Variants in VWA5B2 observed in about 807,000 individuals in gnomAD.
VWA5B2 encodes the protein von Willebrand factor A domain containing 5B2.
A neutral mutation model predicts 118.5 loss-of-function variants in VWA5B2; 93 were observed. The ratio of observed to expected loss-of-function variants is 0.79; its 90% CI spans 0.66 to 0.93. VWA5B2 has a LOEUF of 0.93. VWA5B2 is among the 40% of genes least tolerant of loss of function. The pLI is 0.00. For synonymous variants in VWA5B2, 708 were observed against 716.3 expected, an observed-to-expected ratio of 0.99 and a Z score of 0.19; for missense variants, 1,546 against 1,672.8, an observed-to-expected ratio of 0.92 and a Z score of 1.32.
intron 8 of VWA5B2, 33 bp from the exon 9 acceptor site, chr3:184,236,112 ATGGGGCC>A: frequency 6.6e-7 from 1 of 1,522,088 alleles, no homozygotes; most frequent in Non-Finnish European, 8.9e-7. Context: ...ATCAGGGCCC[ATGGGGCC>A]GGCCTCACGC....
chr3:184,230,473 G>T lies in VWA5B2; in HGVS notation c.-56G>T. ...CTCTGGAGCGCGGGGTGGGCGTCCCGTCACCCTGCGCCCAGCTTCCCCGGC... is the reference window on the plus strand; with the variant it reads ...CTCTGGAGCGCGGGGTGGGCGTCCCTTCACCCTGCGCCCAGCTTCCCCGGC... On this transcript the variant is annotated 5_prime_UTR_variant, in exon 2 of 20. Coordinates refer to ENST00000691901, the MANE Select transcript of VWA5B2 (RefSeq NM_001390846.1). 7.2e-7 allele frequency: 1 copy of T among 1,387,894 alleles called. No individual in the cohort carries two copies. The highest frequency in any genetic ancestry group is 3.1e-5 in the East Asian group (1 of 32,086). 86.0% of individuals were successfully genotyped at this position (1,387,894 alleles called of 1,614,324 possible). A position where few individuals can be genotyped will look rare whatever the true frequency, so the allele number is the denominator to read the frequency against.
In VWA5B2 at chr3:184,242,152, A is replaced by C; in HGVS notation, c.*114A>C. 7.7e-7 allele frequency: 1 copy of C among 1,299,492 alleles called. No homozygotes were observed. The highest frequency in any genetic ancestry group is 1.0e-6 in the Non-Finnish European group (1 of 952,624). 80.5% of individuals were successfully genotyped at this position (1,299,492 alleles called of 1,614,324 possible). A position where few individuals can be genotyped will look rare whatever the true frequency, so the allele number is the denominator to read the frequency against. ...GTAGGCTGGTGCCAGCCTGTCCCCCACTGCTTCTTACTCCCTCCCTAGAGC... is the reference window on the plus strand; with the variant it reads ...GTAGGCTGGTGCCAGCCTGTCCCCCCCTGCTTCTTACTCCCTCCCTAGAGC... On this transcript the variant is annotated 3_prime_UTR_variant, in exon 20 of 20. Coordinates refer to ENST00000691901, the MANE Select transcript of VWA5B2 (RefSeq NM_001390846.1).
rs1187407587 is a variant in VWA5B2 at position 184,241,927 on chromosome 3, C to T, written c.3618C>T (p.Gly1206=). 6.5e-7 allele frequency: 1 copy of T among 1,547,902 alleles called. No individual in the cohort carries two copies. Among genetic ancestry groups the T allele is most frequent in the East Asian group, 2.5e-5 (1 of 40,774 alleles). The change falls in exon 20 of 20, where the codon GGC becomes GGT. Residue 1206 remains glycine (G), a synonymous_variant. Coordinates refer to ENST00000691901, the MANE Select transcript of VWA5B2 (RefSeq NM_001390846.1). This position sits in a 1 kb window ranked among gnomAD's most constrained non-coding sequence, Gnocchi z 5.1. ...TGCGGGCCCAGCACTTGCCTGACGG[C>T]CTTGACCTGGCCGCCCTCAAGGCCG... ...CWLRAQHLPD[G]LDLAALKAAA...
Position 184,239,851 on chromosome 3 carries a change from T to C in VWA5B2, c.2555T>C (p.Met852Thr). The change falls in exon 16 of 20, where the codon ATG becomes ACG. Residue 852 changes from methionine (M) to threonine (T), a missense_variant. Met to Thr is a moderately conservative substitution (Grantham distance 81, BLOSUM62 -1). Around this residue, in one of 3 missense-constraint regions of VWA5B2, gnomAD observed 763 missense variants for 766.6 expected, o/e 1.00. Coordinates refer to ENST00000691901, the MANE Select transcript of VWA5B2 (RefSeq NM_001390846.1). This position sits in a 1 kb window ranked among gnomAD's most constrained non-coding sequence, Gnocchi z 5.1. ...VIRGLCGEQP[M>T]CWEVGVGLET... ...CGGGGCCTGTGTGGGGAGCAGCCCA[T>C]GTGCTGGGAGGTGGGTGTTGGGCTG... is the stretch of plus-strand genomic sequence containing the variant. 1 of 1,551,580 alleles carries C rather than the reference T, an allele frequency of 6.4e-7. No homozygotes were observed. The highest frequency in any genetic ancestry group is 8.7e-7 in the Non-Finnish European group (1 of 1,146,936).
At position 184,241,543 on chromosome 3, in the gene VWA5B2, C is replaced by T; in HGVS notation, c.3234C>T (p.Ala1078=). The T allele has an allele frequency of 6.5e-7, 1 of 1,549,938 alleles. No homozygotes were observed. Among genetic ancestry groups the T allele is most frequent in the Non-Finnish European group, 8.7e-7 (1 of 1,146,832 alleles). ...GSFRLDAPFC[A]AVRISQERLC... ...TCCGCCTGGACGCGCCCTTCTGCGC[C>T]GCTGTGCGCATCTCGCAGGAGCGCC... The change falls in exon 20 of 20, where the codon GCC becomes GCT. Residue 1078 remains alanine, a synonymous_variant. Transcript: ENST00000691901. This position sits in a 1 kb window ranked among gnomAD's most constrained non-coding sequence, Gnocchi z 5.1.
chr3:184,235,947 C>A (rs1717935597), intron 8 of VWA5B2, among the ~76,000 whole-genome samples: 1 of 152,252 alleles, frequency 6.6e-6, no homozygotes, highest in South Asian at 2.1e-4. Flanking sequence ...CACACACAGT[C>A]ATGTGTACCT....
rs745953037 is a variant in VWA5B2, at chr3:184,234,305, C to T, written c.728C>T (p.Pro243Leu). The change falls in exon 6 of 20, where the codon CCC (proline) becomes CTC (leucine). Residue 243 changes from proline (P) to leucine (L), a missense_variant. Pro to Leu is a moderately conservative substitution (Grantham distance 98). Coordinates refer to ENST00000691901, the MANE Select transcript of VWA5B2 (RefSeq NM_001390846.1). ...SPSHALRADA[P>L]PHASSAATIC... ...TCTCATGCTCTGCGGGCAGATGCCC[C>T]CCCTCATGCCAGCTCTGCAGCCACC... The T allele has an allele frequency of 5.3e-5, 82 of 1,551,632 alleles. No homozygotes were observed. Among genetic ancestry groups the T allele is most frequent in the Non-Finnish European group, 6.7e-5 (77 of 1,147,030 alleles).
At position 184,241,694 on chromosome 3, in the gene VWA5B2, TCCC is replaced by T. The variant is rs1560159535; in HGVS notation, c.3388_3390del (p.Pro1130del). On this transcript the variant is annotated inframe_deletion, in exon 20 of 20. Coordinates refer to ENST00000691901, the MANE Select transcript of VWA5B2 (RefSeq NM_001390846.1). This position sits in a 1 kb window ranked among gnomAD's most constrained non-coding sequence, Gnocchi z 5.1. Reference sequence around the variant, plus strand: ...CAGTGCCACGGCCTCCTGCAGCCCGTCCCCCAGCTCGGGCTCTGAGGGGCCAGG... The same window carrying T: ...CAGTGCCACGGCCTCCTGCAGCCCGTCCAGCTCGGGCTCTGAGGGGCCAGG... 6.6e-7 allele frequency: 1 copy of T among 1,515,352 alleles called. No homozygotes were observed. 93.9% of individuals were successfully genotyped at this position (1,515,352 alleles called of 1,614,324 possible). A position where few individuals can be genotyped will look rare whatever the true frequency, so the allele number is the denominator to read the frequency against.
At position 184,230,482 on chromosome 3, in the gene VWA5B2, C is replaced by T. The variant is rs1184478691; in HGVS notation, c.-47C>T. The T allele has an allele frequency of 7.8e-6, 11 of 1,401,710 alleles. No homozygotes were observed. The South Asian group carries it at 1.7e-4, about 21-fold the overall frequency. 86.8% of individuals were successfully genotyped at this position (1,401,710 alleles called of 1,614,324 possible). ...GCGGGGTGGGCGTCCCGTCACCCTG[C>T]GCCCAGCTTCCCCGGCCCGTTCCCG... On this transcript the variant is annotated 5_prime_UTR_variant, in exon 2 of 20. Transcript: ENST00000691901.
rs1353042636 is a variant in VWA5B2, at chr3:184,239,419, T to C, written c.2228T>C (p.Leu743Pro). 1 of 1,546,640 alleles carries C rather than the reference T, an allele frequency of 6.5e-7. No individual in the cohort carries two copies. The highest frequency in any genetic ancestry group is 2.5e-5 in the East Asian group (1 of 40,744). Residue 743 changes from leucine (L) to proline (P), a missense_variant, in exon 15 of 20, where the codon CTG becomes CCG. Physicochemically the swap from Leu to Pro is moderately conservative, Grantham distance 98. This residue lies in a region of VWA5B2 where 763 missense variants were observed against 766.6 expected (regional missense o/e 1.00). Transcript: ENST00000691901. This position sits in a 1 kb window ranked among gnomAD's most constrained non-coding sequence, Gnocchi z 5.1. ...FKVGALSTEV[L>P]GRQHRAALAG... ...GTGGGGGCCTTGAGTACTGAGGTGC[T>C]GGGCCGTCAGCACAGAGCGGCTCTG...
rs1717574130 is a variant in VWA5B2 at position 184,233,203 on chromosome 3, G to A, written c.336G>A (p.Gln112=). The change falls in exon 4 of 20, where the codon CAG becomes CAA. Residue 112 remains glutamine, a synonymous_variant. Coordinates refer to ENST00000691901, the MANE Select transcript of VWA5B2 (RefSeq NM_001390846.1). The surrounding 1 kb of genome is among the most constrained non-coding windows in gnomAD (Gnocchi z 5.2). ...GTCATCTTGTCTTGGATCTGGCCCAGGCCCGGTCCACGTTGGTGCTGCCCA... is the reference window on the plus strand; with the variant it reads ...GTCATCTTGTCTTGGATCTGGCCCAAGCCCGGTCCACGTTGGTGCTGCCCA... ...AQGHLVLDLA[Q]ARSTLVLPTG... is the part of the protein sequence containing the mutation. The A allele has an allele frequency of 1.9e-6, 3 of 1,550,890 alleles. No homozygotes were observed. The highest frequency in any genetic ancestry group is 1.7e-6 in the Non-Finnish European group (2 of 1,146,878).
At chr3:184,234,834 G>A (rs1717803239) in intron 7 of VWA5B2, 79 bp downstream of exon 7, 1 of 1,539,106 alleles carries the variant, frequency 6.5e-7, no homozygotes, top group Non-Finnish European at 8.8e-7. Flanking sequence ...GGCTTACATT[G>A]GAATGGGTGC....
In VWA5B2 at chr3:184,240,819, C is replaced by G. The variant is rs756176969; in HGVS notation, c.2769C>G (p.Ala923=). 6 of 1,551,474 alleles carry G rather than the reference C, an allele frequency of 3.9e-6. No homozygotes were observed. The highest frequency in any genetic ancestry group is 1.7e-4 in the Middle Eastern group (1 of 5,924). Residue 923 remains alanine (A), a synonymous_variant, in exon 17 of 20, where the codon GCC becomes GCG. Coordinates refer to ENST00000691901, the MANE Select transcript of VWA5B2 (RefSeq NM_001390846.1). ...RGHARRCWLR[A]LQTSKVSSAP... is the part of the protein sequence containing the mutation. ...ATGCCCGGAGGTGCTGGCTTCGAGC[C>G]CTTCAGACAAGTAAGGTCAGCTCTG...
rs1477738872 is a variant in VWA5B2, at chr3:184,241,672, T to C, written c.3363T>C (p.Ser1121=). Residue 1121 remains serine (S), a synonymous_variant, in exon 20 of 20, where the codon AGT becomes AGC. Transcript: ENST00000691901. The surrounding 1 kb of genome is among the most constrained non-coding windows in gnomAD (Gnocchi z 5.1). ...GCCCTGGTGTTGGCCAGGGTGACAGTGCCACGGCCTCCTGCAGCCCGTCCC... is the reference window on the plus strand; with the variant it reads ...GCCCTGGTGTTGGCCAGGGTGACAGCGCCACGGCCTCCTGCAGCCCGTCCC... The part of the protein sequence containing the change: ...LLGPGVGQGD[S]ATASCSPSPS... 7 of 1,528,570 alleles carry C rather than the reference T, an allele frequency of 4.6e-6. No individual in the cohort carries two copies. The South Asian group carries it at 6.0e-5, about 13-fold the overall frequency. 94.7% of individuals were successfully genotyped at this position (1,528,570 alleles called of 1,614,324 possible). A position where few individuals can be genotyped will look rare whatever the true frequency, so the allele number is the denominator to read the frequency against.
Position 184,236,743 on chromosome 3 carries a change from G to A in VWA5B2, c.1527G>A (p.Gln509=), listed in dbSNP as rs1331268332. The A allele has an allele frequency of 6.6e-7, 1 of 1,524,450 alleles. No individual in the cohort carries two copies. Among genetic ancestry groups the A allele is most frequent in the South Asian group, 1.2e-5 (1 of 81,640 alleles). The allele number at this position is 1,524,450 out of a possible 1,614,324, so 94.4% of individuals were successfully genotyped here. A position where few individuals can be genotyped will look rare whatever the true frequency, so the allele number is the denominator to read the frequency against. The change falls in exon 11 of 20, where the codon CAG becomes CAA. Residue 509 remains glutamine, a synonymous_variant. Transcript: ENST00000691901. Reference sequence around the variant, plus strand: ...TCCTGAGGCCTGGGCAGAGGCTGCAGCCCATGGTGAGCTTGAGCCTGGGCC... The same window carrying A: ...TCCTGAGGCCTGGGCAGAGGCTGCAACCCATGGTGAGCTTGAGCCTGGGCC... ...AYFLRPGQRL[Q]PMLVQALRKA... is the part of the protein sequence containing the mutation.
chr3:184,242,027 G>A lies in VWA5B2; in HGVS notation c.3718G>A (p.Ala1240Thr), dbSNP rs1718779473. ...GCTACACCTGCTGTGCTACAGCCCA[G>A]CGAACGTGTGAAGGCTGCCCCCTGC... ...LQLHLLCYSP[A>T]NV The change falls in exon 20 of 20, where the codon GCG (alanine) becomes ACG (threonine). Residue 1240 changes from alanine to threonine, a missense_variant. Transcript: ENST00000691901. 1.3e-6 allele frequency: 2 copies of A among 1,549,450 alleles called. No individual in the cohort carries two copies. Among genetic ancestry groups the A allele is most frequent in the African/African-American group, 1.4e-5 (1 of 73,050 alleles).
At position 184,238,704 on chromosome 3, in the gene VWA5B2, C is replaced by T; in HGVS notation, c.2033C>T (p.Pro678Leu). ...THCSASPEPG[P>L]GSTGSSESPG... ...TGCTCTGCCAGCCCCGAGCCAGGCCCAGGCTCCACAGGCAGCAGTGAGTCC... is the reference window on the plus strand; with the variant it reads ...TGCTCTGCCAGCCCCGAGCCAGGCCTAGGCTCCACAGGCAGCAGTGAGTCC... The change falls in exon 14 of 20, where the codon CCA becomes CTA. Residue 678 changes from proline to leucine, a missense_variant. Physicochemically the swap from Pro to Leu is moderately conservative, Grantham distance 98 (BLOSUM62 -3). This residue lies in a region of VWA5B2 where 763 missense variants were observed against 766.6 expected (regional missense o/e 1.00). Coordinates refer to ENST00000691901, the MANE Select transcript of VWA5B2 (RefSeq NM_001390846.1). This position sits in a 1 kb window ranked among gnomAD's most constrained non-coding sequence, Gnocchi z 5.0. 1 of 1,551,294 alleles carries T rather than the reference C, an allele frequency of 6.4e-7. No homozygotes were observed. Among genetic ancestry groups the T allele is most frequent in the Non-Finnish European group, 8.7e-7 (1 of 1,147,010 alleles).
rs761864069 is a variant in VWA5B2 at position 184,241,383 on chromosome 3, C to A, written c.3159C>A (p.Ser1053Arg). Residue 1053 changes from serine to arginine, a missense_variant, in exon 19 of 20, where the codon AGC becomes AGA. Around this residue, in one of 3 missense-constraint regions of VWA5B2, gnomAD observed 763 missense variants for 766.6 expected, o/e 1.00. Transcript: ENST00000691901. The surrounding 1 kb of genome is among the most constrained non-coding windows in gnomAD (Gnocchi z 5.1). ...DPGQANNSEG[S>R]DHDYLPLVRL... ...GCCAGGCCAACAACAGTGAAGGCAG[C>A]GACCATGACTACCTGCCCTTGGTGA... is the stretch of plus-strand genomic sequence containing the variant. The A allele has an allele frequency of 1.9e-5, 30 of 1,573,822 alleles. No homozygotes were observed. The East Asian group carries it at 7.0e-4, about 37-fold the overall frequency.
rs1450777571 is a variant in VWA5B2 at position 184,241,933 on chromosome 3, C to G, written c.3624C>G (p.Asp1208Glu). Residue 1208 changes from aspartate to glutamate, a missense_variant, in exon 20 of 20, where the codon GAC (aspartate) becomes GAG (glutamate). Physicochemically the swap from Asp to Glu is conservative, Grantham distance 45. Transcript: ENST00000691901. This position sits in a 1 kb window ranked among gnomAD's most constrained non-coding sequence, Gnocchi z 5.1. ...LRAQHLPDGL[D>E]LAALKAAARG... is the part of the protein sequence containing the mutation. The stretch of plus-strand genomic sequence containing the variant: ...CCCAGCACTTGCCTGACGGCCTTGA[C>G]CTGGCCGCCCTCAAGGCCGCAGCCC... 1.9e-6 allele frequency: 3 copies of G among 1,549,354 alleles called. No individual in the cohort carries two copies. In the African/African-American group the frequency reaches 4.1e-5, roughly 21 times the overall value.
Sources: gnomAD v4.1 joint callset for allele counts (sites outside exome capture counted in the v4.1 genomes callset) on GRCh38, gnomAD v4.1.1 for gene constraint, gnomAD v4.1.1 regional missense constraint, Gnocchi (gnomAD v3.1) non-coding constraint, MANE v1.5 for transcripts, NCBI Gene and HGNC (gene_info 2026-07-23, HGNC 2026-07-21) for gene names.